The following OCA2 variants were observed in gnomAD, a reference collection of about 807,000 sequenced individuals.
The protein encoded by OCA2 is P protein.
Under a neutral mutation model 100.2 loss-of-function variants are expected in OCA2, and 77 were observed. The ratio of observed to expected loss-of-function variants is 0.77; its 90% CI spans 0.64 to 0.93. The LOEUF (loss-of-function observed/expected upper bound fraction) is 0.93, where lower values mean the gene tolerates loss of function less well. Among genes scored for constraint, OCA2 ranks in the 40% least tolerant of loss-of-function variants. OCA2 has a pLI of 0.00. For synonymous variants in OCA2, 432 were observed against 439.2 expected (o/e 0.98, Z 0.21); for missense variants, 1,062 against 1,089.1 (o/e 0.98, Z 0.35).
At chr15:27,762,821 T>C (rs59034804) in intron 23 of OCA2, among the ~76,000 whole-genome samples, 6,276 of 152,274 alleles carry the variant, frequency 0.041, 443 homozygotes, top group African/African-American at 0.14. Flanking sequence ...TTCTCTTACA[T>C]TGAGAGCCAA....
At chr15:27,741,304 A>G in the OCA2 span, among the ~76,000 whole-genome samples, 26 of 152,332 alleles carry the variant, frequency 1.7e-4, no homozygotes, top group East Asian at 3.3e-3. Flanking sequence ...TCCAAAAGGA[A>G]CATTGCCATT....
chr15:27,752,469 T>C (rs1371963031), downstream of OCA2, among the ~76,000 whole-genome samples: 1 of 152,200 alleles, frequency 6.6e-6, no homozygotes, highest in African/African-American at 2.4e-5. Context: ...CTCATGGCAC[T>C]TTTAGTGTCT....
intron 9 of OCA2, among the ~76,000 whole-genome samples, chr15:28,005,601 C>T (rs995565652): frequency 1.4e-4 from 22 of 152,158 alleles, no homozygotes; most frequent in African/African-American, 3.9e-4. Context: ...ATCAAGCCCT[C>T]GCATCACACT....
In OCA2 at chr15:28,088,839, C is replaced by T. The variant is rs115521922; in HGVS notation, c.-21-6944G>A. The stretch of plus-strand genomic sequence containing the variant: ...TTAAAATTGCTAATGAAGTTTCAGG[C>T]ACATGTTGTCTTTGATGACATCTTA... On this transcript the variant is annotated intron_variant, in intron 1 of 23. Coordinates refer to ENST00000354638, the MANE Select transcript of OCA2 (RefSeq NM_000275.3). 4.0e-3 allele frequency among the ~76,000 whole-genome samples: 610 copies of T among 152,298 alleles called. 4 individuals carry two copies. The highest frequency in any genetic ancestry group is 0.014 in the African/African-American group (587 of 41,574).
At chr15:27,734,894 A>G in the OCA2 span, among the ~76,000 whole-genome samples, 1 of 152,238 alleles carries the variant, frequency 6.6e-6, no homozygotes, top group South Asian at 2.1e-4. Context: ...GCAAAGTCTG[A>G]AATAAGCTCC....
intron 19 of OCA2, among the ~76,000 whole-genome samples, chr15:27,899,381 G>A (rs983981543): frequency 1.3e-5 from 2 of 152,116 alleles, no homozygotes; most frequent in African/African-American, 2.4e-5. Flanking sequence ...CCCGGAGAAG[G>A]GGAAATTATT....
At position 27,801,550 on chromosome 15, in the gene OCA2, CAAA is replaced by C. The variant is rs34636608; in HGVS notation, c.2432+43406_2432+43408del. ...CTGGCGACAGAGTGAGACTCGGTCTCAAAAAAAAAAAAAAAAAAAAAAAAAAGA... is the reference window on the plus strand; with the variant it reads ...CTGGCGACAGAGTGAGACTCGGTCTCAAAAAAAAAAAAAAAAAAAAAAAGA... On this transcript the variant is annotated intron_variant, in intron 23 of 23. Transcript: ENST00000354638. Among the ~76,000 whole-genome samples, 217 of 37,764 alleles carry C rather than the reference CAAA, an allele frequency of 5.7e-3. 1 individual carries two copies. Among genetic ancestry groups the C allele is most frequent in the South Asian group, 0.013 (12 of 906 alleles). 24.8% of individuals were successfully genotyped at this position (37,764 alleles called of 152,430 possible). A position where few individuals can be genotyped will look rare whatever the true frequency, so the allele number is the denominator to read the frequency against.
At chr15:27,959,321 C>T (rs972002506) in intron 15 of OCA2, among the ~76,000 whole-genome samples, 17 of 152,210 alleles carry the variant, frequency 1.1e-4, no homozygotes, top group African/African-American at 4.1e-4. Flanking sequence ...AAAAGTCTCA[C>T]ACTTCGTTAA....
intron 2 of OCA2, among the ~76,000 whole-genome samples, chr15:28,058,130 G>C (rs2141634516): frequency 6.6e-6 from 1 of 152,308 alleles, no homozygotes; most frequent in South Asian, 2.1e-4. Context: ...CTCAAAGCTT[G>C]AGGGTCCCCC....
intron 2 of OCA2, among the ~76,000 whole-genome samples, chr15:28,072,933 G>T (rs1438132623): frequency 6.6e-6 from 1 of 152,128 alleles, no homozygotes; most frequent in Non-Finnish European, 1.5e-5. Flanking sequence ...ATTAAACCAA[G>T]CAATCCCATT....
At chr15:28,057,160 A>G (rs1279826169) in intron 2 of OCA2, among the ~76,000 whole-genome samples, 1 of 152,276 alleles carries the variant, frequency 6.6e-6, no homozygotes, top group Non-Finnish European at 1.5e-5. Context: ...TCTGATTCCT[A>G]AGAGCTTCAA....
the OCA2 span, among the ~76,000 whole-genome samples, chr15:27,725,200 C>G: frequency 6.6e-6 from 1 of 152,232 alleles, no homozygotes; most frequent in Non-Finnish European, 1.5e-5. Flanking sequence ...TAAACTTTTA[C>G]TAGTGCCTGT....
chr15:27,835,326 G>A (rs2035106696), intron 23 of OCA2, among the ~76,000 whole-genome samples: 2 of 152,280 alleles, frequency 1.3e-5, no homozygotes, highest in African/African-American at 2.4e-5. Context: ...CCCTGACAGC[G>A]CACGTTCCCA....
chr15:27,722,340 C>T, the OCA2 span, among the ~76,000 whole-genome samples: 4 of 152,352 alleles, frequency 2.6e-5, no homozygotes, highest in East Asian at 1.9e-4. Context: ...TCAGAGATCA[C>T]GTGCCAAGGT....
intron 19 of OCA2, among the ~76,000 whole-genome samples, chr15:27,910,822 G>A (rs2038365360): frequency 6.6e-6 from 1 of 152,046 alleles, no homozygotes; most frequent in Non-Finnish European, 1.5e-5. Context: ...TGGGCATGGT[G>A]GAGGGCATCT....
intron 19 of OCA2, chr15:27,895,705 T>C (rs185815736): frequency 1.1e-4 from 24 of 222,090 alleles, no homozygotes; most frequent in African/African-American, 3.9e-4. Flanking sequence ...TTCCGCAGGA[T>C]GGGGTTTGTA....
intron 2 of OCA2, among the ~76,000 whole-genome samples, chr15:28,045,906 T>A (rs1416879902): frequency 6.6e-6 from 1 of 152,154 alleles, no homozygotes; most frequent in Non-Finnish European, 1.5e-5. Flanking sequence ...TACTGAATAT[T>A]CATACCAAAA....
chr15:27,804,509 A>G (rs2033744012), intron 23 of OCA2, among the ~76,000 whole-genome samples: 1 of 152,238 alleles, frequency 6.6e-6, no homozygotes, highest in Non-Finnish European at 1.5e-5. Context: ...TTTCTTAGGA[A>G]TATAAAAAGG....
At chr15:28,084,949 G>A (rs972718306) in intron 1 of OCA2, among the ~76,000 whole-genome samples, 1 of 152,172 alleles carries the variant, frequency 6.6e-6, no homozygotes, top group Admixed American at 6.5e-5. Flanking sequence ...CCACCACTTT[G>A]CTGTATTCTG....
Sources: allele counts gnomAD v4.1 joint callset (sites outside exome capture counted in the v4.1 genomes callset), GRCh38; gene constraint gnomAD v4.1.1; transcripts MANE v1.5; gene names NCBI Gene and HGNC (gene_info 2026-07-23, HGNC 2026-07-21).